Variants in DGLUCY observed in about 807,000 individuals in gnomAD.
DGLUCY encodes the protein D-glutamate cyclase, mitochondrial.
In DGLUCY, 58 loss-of-function variants were observed where a neutral mutation model predicts 58.5. The ratio of observed to expected loss-of-function variants is 0.99; its 90% CI spans 0.80 to 1.23. DGLUCY has a LOEUF of 1.23. DGLUCY is among the 50% of genes most tolerant of loss of function. The pLI is 0.00. For missense variants in DGLUCY, 779 were observed against 784.7 expected, an observed-to-expected ratio of 0.99 and a Z score of 0.09; for synonymous variants, 325 against 314.1, an observed-to-expected ratio of 1.03 and a Z score of -0.37.
chr14:91,075,012 C>T (rs956281910), intron 1 of DGLUCY, among the ~76,000 whole-genome samples: 9 of 149,156 alleles, frequency 6.0e-5, no homozygotes, highest in Non-Finnish European at 1.2e-4. Context: ...GTGGAAGTTG[C>T]AGTGAGCCAA....
chr14:91,220,664 C>T (rs1200515603), intron 13 of DGLUCY: 1 of 456,202 alleles, frequency 2.2e-6, no homozygotes, highest in Non-Finnish European at 4.4e-6. Context: ...ACTCCCCAGC[C>T]CGGTCCAGGC....
At chr14:91,079,344 CT>C (rs930097613) in intron 1 of DGLUCY, among the ~76,000 whole-genome samples, 10 of 150,882 alleles carry the variant, frequency 6.6e-5, no homozygotes, top group Admixed American at 4.6e-4. Context: ...TTGTTTCTTT[CT>C]TTTCTTTTCT....
chr14:91,108,559 G>GAGAGAGAGAGAGAGAT (rs2044640251), intron 1 of DGLUCY, among the ~76,000 whole-genome samples: 1 of 147,900 alleles, frequency 6.8e-6, no homozygotes, highest in Non-Finnish European at 1.5e-5. Flanking sequence ...GAGAGAGAGA[G>GAGAGAGAGAGAGAGAT]ACAGAGTTTT....
chr14:91,208,354 T>C (rs1363301207), intron 12 of DGLUCY, among the ~76,000 whole-genome samples: 4 of 152,182 alleles, frequency 2.6e-5, no homozygotes, highest in Non-Finnish European at 1.5e-5. Flanking sequence ...TACATATCAG[T>C]TTGCTCAAAA....
At chr14:91,204,333 CT>C (rs1243050079) in intron 11 of DGLUCY, among the ~76,000 whole-genome samples, 1 of 152,222 alleles carries the variant, frequency 6.6e-6, no homozygotes, top group Non-Finnish European at 1.5e-5. Context: ...CTAGAACTGA[CT>C]TTGCACCAGA....
chr14:91,085,047 C>T (rs2044189452), intron 1 of DGLUCY, among the ~76,000 whole-genome samples: 3 of 151,928 alleles, frequency 2.0e-5, no homozygotes, highest in Admixed American at 2.0e-4. Context: ...CAGGGCAAGA[C>T]CCCATCTCTA....
chr14:91,208,156 C>G (rs1885072504), intron 12 of DGLUCY, among the ~76,000 whole-genome samples: 1 of 152,180 alleles, frequency 6.6e-6, no homozygotes, highest in African/African-American at 2.4e-5. Flanking sequence ...GAAATAAAGA[C>G]TATGAAGCAA....
chr14:91,179,325 C>A (rs760250061), intron 7 of DGLUCY, among the ~76,000 whole-genome samples: 1 of 152,162 alleles, frequency 6.6e-6, no homozygotes, highest in Non-Finnish European at 1.5e-5. Flanking sequence ...TGGCTCATGC[C>A]TGTAATCCCA....
At chr14:91,108,359 T>TGCACTAGTTTC (rs1430819096) in intron 1 of DGLUCY, among the ~76,000 whole-genome samples, 1 of 152,082 alleles carries the variant, frequency 6.6e-6, no homozygotes, top group African/African-American at 2.4e-5. Flanking sequence ...CCTTAAACTT[T>TGCACTAGTTTC]GCACTAGTTT....
intron 1 of DGLUCY, among the ~76,000 whole-genome samples, chr14:91,143,708 G>A (rs978095348): frequency 1.1e-4 from 17 of 152,218 alleles, no homozygotes; most frequent in African/African-American, 3.9e-4. Context: ...TACCTGTGAG[G>A]GCCCAGCCAC....
intron 1 of DGLUCY, among the ~76,000 whole-genome samples, chr14:91,071,212 C>A (rs772568283): frequency 2.0e-4 from 31 of 151,684 alleles, no homozygotes; most frequent in Non-Finnish European, 3.2e-4. Flanking sequence ...TGGCACGCGC[C>A]TGTATTCCCA....
In DGLUCY at chr14:91,181,299, A is replaced by G. The variant is rs755511041; in HGVS notation, c.844A>G (p.Ile282Val). 5.0e-6 allele frequency: 8 copies of G among 1,614,026 alleles called. No individual in the cohort carries two copies. The African/African-American group carries it at 9.3e-5, about 19-fold the overall frequency. ...AGAGAGAATTCCAGAGGTCCATCAC[A>G]TTTCCCAAGATCCTCTGCACTACAG... ...TPERIPEVHH[I>V]SQDPLHYSIA... The change falls in exon 8 of 14, where the codon ATT becomes GTT. Residue 282 changes from isoleucine (I) to valine (V), a missense_variant. By Grantham distance (29) the Ile-to-Val change is conservative. Coordinates refer to ENST00000256324, the MANE Select transcript of DGLUCY (RefSeq NM_001102368.3).
chr14:91,102,504 G>A (rs548997801), intron 1 of DGLUCY, among the ~76,000 whole-genome samples: 2 of 152,042 alleles, frequency 1.3e-5, no homozygotes, highest in East Asian at 1.9e-4. Context: ...CGGGACTGTC[G>A]ATGGGAGCCA....
At chr14:91,131,570 A>G (rs1485381461) in intron 1 of DGLUCY, among the ~76,000 whole-genome samples, 1 of 151,598 alleles carries the variant, frequency 6.6e-6, no homozygotes, top group Admixed American at 6.6e-5. Flanking sequence ...GCACCCATTA[A>G]CTCGTCATTT....
At chr14:91,122,093 T>C (rs1193889503) in intron 1 of DGLUCY, among the ~76,000 whole-genome samples, 1 of 150,154 alleles carries the variant, frequency 6.7e-6, no homozygotes, top group East Asian at 1.9e-4. Flanking sequence ...CTCTGTATGA[T>C]ATCTTTTTTT....
At chr14:91,143,277 A>G (rs1024925988) in intron 1 of DGLUCY, among the ~76,000 whole-genome samples, 1 of 151,738 alleles carries the variant, frequency 6.6e-6, no homozygotes, top group East Asian at 2.0e-4. Context: ...TTGTATTTTT[A>G]GTAGAGACGG....
In DGLUCY at chr14:91,083,466, G is replaced by A. The variant is rs183857354; in HGVS notation, c.-82+22762G>A. 3.9e-3 allele frequency among the ~76,000 whole-genome samples: 587 copies of A among 150,274 alleles called. 5 individuals carry two copies. The highest frequency in any genetic ancestry group is 5.8e-3 in the Non-Finnish European group (394 of 67,822). ...GAACCTGGGAGGCAGGGTTTGCAGT[G>A]AGCTGAGATCGTGCCACTCCACTCC... On this transcript the variant is annotated intron_variant, in intron 1 of 4. Transcript: ENST00000521334.
At chr14:91,090,305 G>A (rs2140063991) in intron 1 of DGLUCY, among the ~76,000 whole-genome samples, 1 of 152,186 alleles carries the variant, frequency 6.6e-6, no homozygotes, top group Non-Finnish European at 1.5e-5. Context: ...ACTCTCCCTG[G>A]ACCTCAGCCA....
At chr14:91,196,990 G>C (rs1291289462) in intron 10 of DGLUCY, among the ~76,000 whole-genome samples, 1 of 152,136 alleles carries the variant, frequency 6.6e-6, no homozygotes, top group Non-Finnish European at 1.5e-5. Flanking sequence ...GGGTGGGGAT[G>C]GAGTCTTTAT....
Sources: allele counts gnomAD v4.1 joint callset (sites outside exome capture counted in the v4.1 genomes callset), GRCh38; gene constraint gnomAD v4.1.1; transcripts MANE v1.5; gene names NCBI Gene and HGNC (gene_info 2026-07-23, HGNC 2026-07-21).